The following THAP6 variants were observed in gnomAD, a reference collection of about 807,000 sequenced individuals.
THAP6 encodes the protein THAP domain containing 6.
THAP6 carries 13 observed loss-of-function variants against 20.0 expected under a neutral mutation model. The observed-to-expected ratio is 0.65, with a 90% CI of 0.42 to 1.03. The LOEUF (loss-of-function observed/expected upper bound fraction) is 1.03, where lower values mean the gene tolerates loss of function less well. Among genes scored for constraint, THAP6 ranks in the 50% least tolerant of loss-of-function variants. The pLI is 0.00. For missense variants in THAP6, 262 were observed against 261.6 expected, an observed-to-expected ratio of 1.00 and a Z score of -0.01; for synonymous variants, 93 against 92.2, an observed-to-expected ratio of 1.01 and a Z score of -0.05.
rs1726419733 is a variant in THAP6, at chr4:75,527,056, A to G, written c.511A>G (p.Asn171Asp). ...AGAGGATACAAAGGAAAGTCTACGG[A>G]ATGTTTTAGACCGAGAAAAACGTTT... ...ELEDTKESLR[N>D]VLDREKRFQK... The change falls in exon 5 of 5, where the codon AAT becomes GAT. Residue 171 changes from asparagine (N) to aspartate (D), a missense_variant. By Grantham distance (23) the Asn-to-Asp change is conservative. Coordinates refer to ENST00000311638, the MANE Select transcript of THAP6 (RefSeq NM_144721.6). 1 of 1,614,134 alleles carries G rather than the reference A, an allele frequency of 6.2e-7. No individual in the cohort carries two copies. Among genetic ancestry groups the G allele is most frequent in the Non-Finnish European group, 8.5e-7 (1 of 1,179,992 alleles).
chr4:75,527,463 G>A lies in THAP6; in HGVS notation c.*249G>A, dbSNP rs969132786. The stretch of plus-strand genomic sequence containing the variant: ...TAGTGCCAGGTCACTATTGTAAGAT[G>A]TTAAAATCTCAAGAAAATTTCACAG... On this transcript the variant is annotated 3_prime_UTR_variant, in exon 5 of 5. Coordinates refer to ENST00000311638, the MANE Select transcript of THAP6 (RefSeq NM_144721.6). 1.6e-6 allele frequency: 2 copies of A among 1,255,922 alleles called. No individual in the cohort carries two copies. Among genetic ancestry groups the A allele is most frequent in the Non-Finnish European group, 2.0e-6 (2 of 997,956 alleles). 77.8% of individuals were successfully genotyped at this position (1,255,922 alleles called of 1,614,324 possible).
In THAP6 at chr4:75,529,960, C is replaced by G. The variant is rs1175689368; in HGVS notation, c.*2746C>G. 2.9e-5 allele frequency: 25 copies of G among 873,122 alleles called. No individual in the cohort carries two copies. Among genetic ancestry groups the G allele is most frequent in the Non-Finnish European group, 3.4e-5 (25 of 728,210 alleles). The allele number at this position is 873,122 out of a possible 1,614,324, so 54.1% of individuals were successfully genotyped here. A position where few individuals can be genotyped will look rare whatever the true frequency, so the allele number is the denominator to read the frequency against. ...TTTTAATAAAAAGATAAAATTATTA[C>G]AGAAATAATTGAGAGAGAGAAAATC... On this transcript the variant is annotated 3_prime_UTR_variant, in exon 5 of 5. Coordinates refer to ENST00000311638, the MANE Select transcript of THAP6 (RefSeq NM_144721.6).
chr4:75,514,325 C>G, upstream of THAP6: 3 of 1,592,566 alleles, frequency 1.9e-6, no homozygotes, highest in South Asian at 1.1e-5. Context: ...ATCCTTCCCC[C>G]AGGATAAAAA....
chr4:75,521,955 T>G (rs1420164954), intron 4 of THAP6, 94 bp downstream of exon 4: 1 of 1,457,546 alleles, frequency 6.9e-7, no homozygotes, highest in Non-Finnish European at 9.5e-7. Context: ...TAGCAAAATC[T>G]AGGGGTTAAT....
rs940068984 is a variant in THAP6 at position 75,528,104 on chromosome 4, A to C, written c.*890A>C. 1.0e-6 allele frequency: 1 copy of C among 984,776 alleles called. No homozygotes were observed. Among genetic ancestry groups the C allele is most frequent in the African/African-American group, 1.7e-5 (1 of 57,242 alleles). 61.0% of individuals were successfully genotyped at this position (984,776 alleles called of 1,614,324 possible). On this transcript the variant is annotated 3_prime_UTR_variant, in exon 5 of 5. Coordinates refer to ENST00000311638, the MANE Select transcript of THAP6 (RefSeq NM_144721.6). ...AATACAAAATACAAAAGAAACCATT[A>C]GAAATTAATAACTGTGGCTCTTCCA... is the stretch of plus-strand genomic sequence containing the variant.
chr4:75,532,867 G>A (rs971314717), downstream of THAP6, among the ~76,000 whole-genome samples: 5 of 152,168 alleles, frequency 3.3e-5, no homozygotes, highest in South Asian at 2.1e-4. Context: ...ACAACACGGG[G>A]ACCCTGGGCC....
intron 2 of THAP6, among the ~76,000 whole-genome samples, chr4:75,536,030 A>T (rs923659458): frequency 6.6e-6 from 1 of 152,242 alleles, no homozygotes; most frequent in Non-Finnish European, 1.5e-5. Flanking sequence ...TAACTTGATT[A>T]CTGCAAGAAA....
chr4:75,534,852 A>G (rs1356289453), downstream of THAP6, among the ~76,000 whole-genome samples: 1 of 152,200 alleles, frequency 6.6e-6, no homozygotes, highest in African/African-American at 2.4e-5. Context: ...AATCAAAACC[A>G]CAATGATATA....
rs181566398 is a variant in THAP6 at position 75,518,162 on chromosome 4, G to T, written c.288+1183G>T. 1.2e-3 allele frequency among the ~76,000 whole-genome samples: 187 copies of T among 152,218 alleles called. 1 individual carries two copies. The highest frequency in any genetic ancestry group is 2.3e-3 in the Non-Finnish European group (158 of 68,020). On this transcript the variant is annotated intron_variant, in intron 3 of 4. Transcript: ENST00000311638. ...TTTCCTACCACCAAGGTGTCATCTA[G>T]CCGTAATGTTAAGGGGACCTTAAGA...
Position 75,527,951 on chromosome 4 carries a change from A to C in THAP6, c.*737A>C, listed in dbSNP as rs1308269190. The C allele has an allele frequency of 3.0e-6, 3 of 985,314 alleles. No individual in the cohort carries two copies. Among genetic ancestry groups the C allele is most frequent in the African/African-American group, 1.7e-5 (1 of 57,242 alleles). The allele number at this position is 985,314 out of a possible 1,614,324, so 61.0% of individuals were successfully genotyped here. On this transcript the variant is annotated 3_prime_UTR_variant, in exon 5 of 5. Coordinates refer to ENST00000311638, the MANE Select transcript of THAP6 (RefSeq NM_144721.6). ...ATGGTTGGTTGCTCTGACAGATCTG[A>C]ACACTTTGCTTCATGACTATTTCGT... is the stretch of plus-strand genomic sequence containing the variant.
chr4:75,514,420 AC>A, upstream of THAP6: 1 of 1,012,014 alleles, frequency 9.9e-7, no homozygotes, highest in African/African-American at 1.6e-5. Context: ...TAAGCACGTG[AC>A]CCGGGGCAGA....
At chr4:75,533,906 C>T (rs1244523528), downstream of THAP6, among the ~76,000 whole-genome samples, 1 of 151,752 alleles carries the variant, frequency 6.6e-6, no homozygotes, top group African/African-American at 2.4e-5. Flanking sequence ...TGCTATCCCT[C>T]CCCCTCCCCC....
chr4:75,519,435 A>C (rs538580200), intron 3 of THAP6, among the ~76,000 whole-genome samples: 2 of 151,152 alleles, frequency 1.3e-5, no homozygotes, highest in Non-Finnish European at 2.9e-5. Flanking sequence ...CCAGTAACTC[A>C]TCATCTAGCA....
rs1726508433 is a variant in THAP6 at position 75,528,386 on chromosome 4, T to TG, written c.*1172_*1173insG. The TG allele has an allele frequency of 1.0e-6, 1 of 985,290 alleles. No individual in the cohort carries two copies. The highest frequency in any genetic ancestry group is 1.2e-6 in the Non-Finnish European group (1 of 829,948). The allele number at this position is 985,290 out of a possible 1,614,324, so 61.0% of individuals were successfully genotyped here. A position where few individuals can be genotyped will look rare whatever the true frequency, so the allele number is the denominator to read the frequency against. On this transcript the variant is annotated 3_prime_UTR_variant, in exon 5 of 5. Coordinates refer to ENST00000311638, the MANE Select transcript of THAP6 (RefSeq NM_144721.6). Reference sequence around the variant, plus strand: ...ATACTGTGGGTTAGAATAAAAACCATTTGCCAAAGCAACACTCTACTTAGA... The same window carrying TG: ...ATACTGTGGGTTAGAATAAAAACCATGTTGCCAAAGCAACACTCTACTTAGA...
chr4:75,514,648 T>A, intron 1 of THAP6, 128 bp downstream of exon 1: 1 of 196,664 alleles, frequency 5.1e-6, no homozygotes, highest in South Asian at 1.3e-4. Flanking sequence ...GGACGCTCAC[T>A]GGGCGCATCG....
At chr4:75,538,314 T>A (rs1164534399) in intron 2 of THAP6, among the ~76,000 whole-genome samples, 1 of 152,102 alleles carries the variant, frequency 6.6e-6, no homozygotes, top group East Asian at 1.9e-4. Flanking sequence ...ATTGTAGGAT[T>A]TGAGAGTCTC....
chr4:75,532,833 G>C (rs1726726645), downstream of THAP6, among the ~76,000 whole-genome samples: 1 of 152,170 alleles, frequency 6.6e-6, no homozygotes, highest in Non-Finnish European at 1.5e-5. Flanking sequence ...CTGGGACACA[G>C]GGCACCAAGT....
intron 3 of THAP6, among the ~76,000 whole-genome samples, chr4:75,518,083 G>C (rs543661770): frequency 6.6e-6 from 1 of 152,250 alleles, no homozygotes; most frequent in East Asian, 1.9e-4. Context: ...CACTTTCTTC[G>C]GTGCTAATAA....
downstream of THAP6, among the ~76,000 whole-genome samples, chr4:75,530,470 A>C (rs1472044149): frequency 6.6e-6 from 1 of 152,198 alleles, no homozygotes; most frequent in Non-Finnish European, 1.5e-5. Flanking sequence ...CCTGAATTTC[A>C]TAAGTTTTAT....
Sources: allele counts gnomAD v4.1 joint callset (sites outside exome capture counted in the v4.1 genomes callset), GRCh38; gene constraint gnomAD v4.1.1; transcripts MANE v1.5; gene names NCBI Gene and HGNC (gene_info 2026-07-23, HGNC 2026-07-21).